Variants in CMTM8 observed in about 807,000 individuals in gnomAD.
CMTM8 encodes the protein CKLF-like MARVEL transmembrane domain-containing protein 8.
CMTM8 carries 12 observed loss-of-function variants against 18.6 expected under a neutral mutation model. That is an observed-to-expected ratio of 0.65 (90% CI 0.41 to 1.05). CMTM8 has a LOEUF of 1.05. Ranked by LOEUF, CMTM8 falls within the 50% of genes least tolerant of loss-of-function variation. CMTM8 has a pLI of 0.00. For synonymous variants in CMTM8, 87 were observed against 90.6 expected (o/e 0.96, Z 0.23); for missense variants, 217 against 227.2 (o/e 0.95, Z 0.29).
At chr3:32,295,484 C>G (rs77241102) in intron 1 of CMTM8, among the ~76,000 whole-genome samples, 1 of 86,400 alleles carries the variant, frequency 1.2e-5, no homozygotes, top group African/African-American at 4.9e-5. Flanking sequence ...AAAAACAAAA[C>G]AAAACAGCGG....
intron 1 of CMTM8, among the ~76,000 whole-genome samples, chr3:32,262,555 T>G (rs1248944320): frequency 5.3e-5 from 8 of 152,216 alleles, no homozygotes; most frequent in Non-Finnish European, 1.2e-4. Flanking sequence ...TTCTAAAACA[T>G]TCTAAGGACG....
At chr3:32,312,370 C>T (rs1695836804) in intron 1 of CMTM8, among the ~76,000 whole-genome samples, 1 of 152,138 alleles carries the variant, frequency 6.6e-6, no homozygotes, top group Non-Finnish European at 1.5e-5. Flanking sequence ...ATTGGCAGTT[C>T]CTGTGACCCC....
chr3:32,368,906 GA>G (rs542123772), intron 3 of CMTM8, among the ~76,000 whole-genome samples: 1 of 152,334 alleles, frequency 6.6e-6, no homozygotes, highest in East Asian at 1.9e-4. Context: ...TCGGGGGAAG[GA>G]GGGAGGCAGT....
intron 1 of CMTM8, among the ~76,000 whole-genome samples, chr3:32,261,776 T>C (rs1702262655): frequency 6.6e-6 from 1 of 152,138 alleles, no homozygotes; most frequent in Non-Finnish European, 1.5e-5. Flanking sequence ...ACCACACCCT[T>C]GTGGAGTTCA....
intron 1 of CMTM8, among the ~76,000 whole-genome samples, chr3:32,249,973 AG>A (rs1559361312): frequency 6.6e-6 from 1 of 152,186 alleles, no homozygotes; most frequent in Non-Finnish European, 1.5e-5. Flanking sequence ...AGGGTCACAA[AG>A]ATATACTCTC....
At chr3:32,305,109 A>G (rs1695694258) in intron 1 of CMTM8, among the ~76,000 whole-genome samples, 1 of 152,144 alleles carries the variant, frequency 6.6e-6, no homozygotes. Flanking sequence ...TGTTTCAAAC[A>G]TATTAAATGT....
chr3:32,310,956 T>C (rs1257578977), intron 1 of CMTM8, among the ~76,000 whole-genome samples: 1 of 152,206 alleles, frequency 6.6e-6, no homozygotes, highest in East Asian at 1.9e-4. Flanking sequence ...GGTAAACAAT[T>C]GGACCTGTCT....
chr3:32,291,384 C>T (rs1451015170), intron 1 of CMTM8, among the ~76,000 whole-genome samples: 3 of 152,080 alleles, frequency 2.0e-5, no homozygotes, highest in Non-Finnish European at 4.4e-5. Context: ...TCGTGATCCG[C>T]CCGCCTCGGC....
chr3:32,328,641 A>G (rs1696213134), intron 1 of CMTM8, among the ~76,000 whole-genome samples: 1 of 152,080 alleles, frequency 6.6e-6, no homozygotes, highest in Non-Finnish European at 1.5e-5. Flanking sequence ...AACAAAAATA[A>G]CAACTATCAG....
intron 1 of CMTM8, among the ~76,000 whole-genome samples, chr3:32,295,588 T>G (rs9827216): frequency 6.6e-6 from 1 of 151,474 alleles, no homozygotes; most frequent in Non-Finnish European, 1.5e-5. Flanking sequence ...TAAGCATAGA[T>G]CCAACTATTG....
intron 1 of CMTM8, among the ~76,000 whole-genome samples, chr3:32,323,250 T>C (rs1244500855): frequency 6.6e-6 from 1 of 152,174 alleles, no homozygotes; most frequent in Admixed American, 6.5e-5. Context: ...AGCTTTCTAC[T>C]AGCCACGCAT....
chr3:32,251,064 A>G (rs1177750320), intron 1 of CMTM8, among the ~76,000 whole-genome samples: 2 of 152,242 alleles, frequency 1.3e-5, no homozygotes, highest in Admixed American at 6.5e-5. Flanking sequence ...GTTTCAGCAT[A>G]TAACAAGATT....
intron 1 of CMTM8, among the ~76,000 whole-genome samples, chr3:32,293,562 T>C (rs918505168): frequency 6.6e-6 from 1 of 151,434 alleles, no homozygotes; most frequent in Non-Finnish European, 1.5e-5. Context: ...AAGAAATAAA[T>C]AGGCCAGGTG....
In CMTM8 at chr3:32,303,733, CA is replaced by C. The variant is rs547550206; in HGVS notation, c.148-53639del. Among the ~76,000 whole-genome samples, 128 of 152,152 alleles carry C rather than the reference CA, an allele frequency of 8.4e-4. 1 individual carries two copies. Among genetic ancestry groups the C allele is most frequent in the African/African-American group, 3.0e-3 (123 of 41,514 alleles). Reference sequence around the variant, plus strand: ...CTCCTCACTTACATTTGCCAGCTCACATTTTTTTACATCTGGTTTCTCTCGC... The same window carrying C: ...CTCCTCACTTACATTTGCCAGCTCACTTTTTTTACATCTGGTTTCTCTCGC... On this transcript the variant is annotated intron_variant, in intron 1 of 3. Coordinates refer to ENST00000307526, the MANE Select transcript of CMTM8 (RefSeq NM_178868.5).
At chr3:32,301,489 G>A (rs1040171392) in intron 1 of CMTM8, among the ~76,000 whole-genome samples, 1 of 152,042 alleles carries the variant, frequency 6.6e-6, no homozygotes, top group Admixed American at 6.5e-5. Context: ...TGGGCAAAAG[G>A]ATTCCACCTT....
At chr3:32,313,170 T>G (rs1695852462) in intron 1 of CMTM8, among the ~76,000 whole-genome samples, 1 of 152,072 alleles carries the variant, frequency 6.6e-6, no homozygotes, top group Admixed American at 6.6e-5. Flanking sequence ...CTCCTGCCCC[T>G]GGTGAAACCC....
chr3:32,361,286 G>GTTTTTTTTTTTTTGTTTT, intron 2 of CMTM8, among the ~76,000 whole-genome samples: 1 of 87,270 alleles, frequency 1.1e-5, no homozygotes, highest in East Asian at 2.8e-4. Context: ...CAGCCTAAGA[G>GTTTTTTTTTTTTTGTTTT]TTTTTTTTTC....
chr3:32,279,427 T>A (rs1443555266), intron 1 of CMTM8, among the ~76,000 whole-genome samples: 2 of 113,088 alleles, frequency 1.8e-5, no homozygotes, highest in Non-Finnish European at 3.6e-5. Context: ...GAATATGCGG[T>A]GTTTGGTTTT....
chr3:32,253,994 A>G (rs1702146074), intron 1 of CMTM8, among the ~76,000 whole-genome samples: 2 of 150,816 alleles, frequency 1.3e-5, no homozygotes, highest in East Asian at 4.0e-4. Context: ...CCCAGGTTCA[A>G]GTGATCCTCC....
Sources: gnomAD v4.1 joint callset for allele counts (sites outside exome capture counted in the v4.1 genomes callset) on GRCh38, gnomAD v4.1.1 for gene constraint, MANE v1.5 for transcripts, NCBI Gene and HGNC (gene_info 2026-07-23, HGNC 2026-07-21) for gene names.